RBFOX1: variants seen among roughly 807,000 people sequenced by gnomAD.
RBFOX1 encodes the protein RNA binding protein fox-1 homolog 1.
Under a neutral mutation model 57.7 loss-of-function variants are expected in RBFOX1, and 8 were observed. That is an observed-to-expected ratio of 0.14 (90% CI 0.08 to 0.25). The LOEUF (loss-of-function observed/expected upper bound fraction) is 0.25. Among genes scored for constraint, RBFOX1 ranks in the 10% least tolerant of loss-of-function variants. RBFOX1 has a pLI of 1.00. For synonymous variants in RBFOX1, 326 were observed against 222.4 expected, an observed-to-expected ratio of 1.47 and a Z score of -4.15; for missense variants, 611 against 548.5, an observed-to-expected ratio of 1.11 and a Z score of -1.14.
chr16:5,255,207 C>T (rs1375166904), intron 1 of RBFOX1, among the ~76,000 whole-genome samples: 1 of 152,118 alleles, frequency 6.6e-6, no homozygotes, highest in African/African-American at 2.4e-5. Context: ...AGCCCCCTTG[C>T]CCACCCACCT....
intron 3 of RBFOX1, among the ~76,000 whole-genome samples, chr16:6,700,820 T>C (rs2061706174): frequency 6.6e-6 from 1 of 152,186 alleles, no homozygotes; most frequent in Non-Finnish European, 1.5e-5. Context: ...TAGTGGTTCA[T>C]GACATATAGA....
intron 5 of RBFOX1, among the ~76,000 whole-genome samples, chr16:7,537,985 G>A (rs999522498): frequency 3.3e-5 from 5 of 152,230 alleles, no homozygotes; most frequent in Non-Finnish European, 7.3e-5. Flanking sequence ...CACCTACTGT[G>A]TGCCAGGTTC....
At chr16:7,099,907 T>A (rs2062380426) in intron 4 of RBFOX1, among the ~76,000 whole-genome samples, 1 of 152,108 alleles carries the variant, frequency 6.6e-6, no homozygotes, top group South Asian at 2.1e-4. Context: ...TGTAAATGTT[T>A]CTTATCAGAC....
chr16:6,911,492 C>G (rs960039758), intron 3 of RBFOX1, among the ~76,000 whole-genome samples: 1 of 152,088 alleles, frequency 6.6e-6, no homozygotes, highest in Non-Finnish European at 1.5e-5. Flanking sequence ...TGCATGTGTT[C>G]TCCCCATAAG....
intron 1 of RBFOX1, among the ~76,000 whole-genome samples, chr16:6,170,127 C>T (rs995733801): frequency 1.3e-5 from 2 of 152,082 alleles, no homozygotes; most frequent in African/African-American, 4.8e-5. Context: ...CCTTCTCAGG[C>T]CACATTTAGT....
At chr16:6,441,868 G>A (rs1186757259) in intron 2 of RBFOX1, among the ~76,000 whole-genome samples, 2 of 152,142 alleles carry the variant, frequency 1.3e-5, no homozygotes, top group East Asian at 3.9e-4. Context: ...CTTCTCTATT[G>A]AATTGGATGC....
At chr16:6,901,223 G>C (rs1842500983) in intron 3 of RBFOX1, among the ~76,000 whole-genome samples, 1 of 152,178 alleles carries the variant, frequency 6.6e-6, no homozygotes, top group East Asian at 1.9e-4. Flanking sequence ...AAGAAAGAGA[G>C]GAAAGATCAG....
chr16:6,737,474 C>A (rs1307941308), intron 3 of RBFOX1, among the ~76,000 whole-genome samples: 1 of 152,164 alleles, frequency 6.6e-6, no homozygotes, highest in South Asian at 2.1e-4. Context: ...CATGTTACTC[C>A]TTGTCCAGTT....
chr16:7,532,550 C>G (rs563837849), intron 5 of RBFOX1, among the ~76,000 whole-genome samples: 164 of 152,320 alleles, frequency 1.1e-3, no homozygotes, highest in African/African-American at 3.8e-3. Flanking sequence ...CCATCTTTCT[C>G]CTTGCCTAGT....
intron 3 of RBFOX1, among the ~76,000 whole-genome samples, chr16:6,882,358 T>A (rs550401405): frequency 6.6e-6 from 1 of 152,220 alleles, no homozygotes; most frequent in Admixed American, 6.5e-5. Flanking sequence ...GCAGTATAAT[T>A]ACAGTTTAGT....
chr16:5,937,873 A>G (rs994380862), intron 4 of RBFOX1, among the ~76,000 whole-genome samples: 2 of 151,718 alleles, frequency 1.3e-5, no homozygotes, highest in African/African-American at 4.8e-5. Context: ...ACATGCTTAC[A>G]TAGATATATA....
chr16:7,554,081 C>T lies in RBFOX1; in HGVS notation c.271-25696C>T, dbSNP rs564134317. On this transcript the variant is annotated intron_variant, in intron 5 of 15. Coordinates refer to ENST00000550418, the MANE Select transcript of RBFOX1 (RefSeq NM_018723.4). ...CTATGATCGGAACACTGCACTCCAG[C>T]CTGGGTGAAAGAGCAAGATCCTGTC... is the stretch of plus-strand genomic sequence containing the variant. 5.3e-5 allele frequency among the ~76,000 whole-genome samples: 8 copies of T among 152,218 alleles called. No homozygotes were observed. In the East Asian group the frequency reaches 5.8e-4, roughly 11 times the overall value.
intron 2 of RBFOX1, among the ~76,000 whole-genome samples, chr16:6,532,664 T>G (rs566510819): frequency 1.3e-5 from 2 of 152,266 alleles, no homozygotes; most frequent in East Asian, 3.9e-4. Context: ...ACATGCACAC[T>G]CTGGACTGTG....
intron 2 of RBFOX1, among the ~76,000 whole-genome samples, chr16:6,487,700 AATATATATATATATATATATATATAT>A (rs1277585706): frequency 3.7e-4 from 6 of 16,288 alleles, no homozygotes; most frequent in East Asian, 3.0e-3. Flanking sequence ...AAAAAAAAAA[AATATATATATATATATATATATATAT>A]ATATATATAT....
At chr16:5,600,419 G>A (rs2047328280), downstream of RBFOX1, among the ~76,000 whole-genome samples, 1 of 150,660 alleles carries the variant, frequency 6.6e-6, no homozygotes, top group East Asian at 2.0e-4. Context: ...CCAGGAGATG[G>A]AGGCTGCAGT....
intron 3 of RBFOX1, among the ~76,000 whole-genome samples, chr16:6,805,397 G>A (rs1603627042): frequency 6.6e-6 from 1 of 152,170 alleles, no homozygotes; most frequent in East Asian, 1.9e-4. Context: ...GGAGGATAGA[G>A]GGTAGGAGGA....
chr16:6,262,951 C>T (rs13332769), intron 1 of RBFOX1, among the ~76,000 whole-genome samples: 7,429 of 152,162 alleles, frequency 0.049, 490 homozygotes, highest in African/African-American at 0.15. Flanking sequence ...GGAGAGGGCC[C>T]GCTTTAGATG....
chr16:6,619,912 A>G (rs1272610401), intron 2 of RBFOX1, among the ~76,000 whole-genome samples: 1 of 151,978 alleles, frequency 6.6e-6, no homozygotes, highest in East Asian at 1.9e-4. Context: ...CTGTGTGTCC[A>G]CGTGTTCTCA....
chr16:6,663,824 C>T (rs2154101175), intron 3 of RBFOX1, among the ~76,000 whole-genome samples: 1 of 152,294 alleles, frequency 6.6e-6, no homozygotes. Flanking sequence ...GGAGAGCATC[C>T]TGGGCCAGGT....
Sources: allele counts gnomAD v4.1 joint callset (sites outside exome capture counted in the v4.1 genomes callset), GRCh38; gene constraint gnomAD v4.1.1; transcripts MANE v1.5; gene names NCBI Gene and HGNC (gene_info 2026-07-23, HGNC 2026-07-21).